The following METTL8 variants were observed in gnomAD, a reference collection of about 807,000 sequenced individuals.
METTL8 encodes the protein tRNA N(3)-cytidine methyltransferase METTL8, mitochondrial.
In METTL8, 32 loss-of-function variants were observed where a neutral mutation model predicts 48.7. The ratio of observed to expected loss-of-function variants is 0.66; its 90% CI spans 0.50 to 0.88. The LOEUF is 0.88. METTL8 is among the 40% of genes least tolerant of loss of function. The pLI, the probability that METTL8 is intolerant of heterozygous loss-of-function variation, is 0.00. For missense variants in METTL8, 464 were observed against 474.4 expected (o/e 0.98, Z 0.20); for synonymous variants, 136 against 157.1 (o/e 0.87, Z 1.01).
intron 3 of METTL8, among the ~76,000 whole-genome samples, chr2:171,350,700 T>A (rs1394971769): frequency 6.6e-6 from 1 of 152,244 alleles, no homozygotes; most frequent in Non-Finnish European, 1.5e-5. Flanking sequence ...GATTTGCATT[T>A]CCCTGACGGC....
chr2:171,324,423 A>G, intron 9 of METTL8, 61 bp from the exon 10 acceptor site: 1 of 1,357,530 alleles, frequency 7.4e-7, no homozygotes, highest in Non-Finnish European at 1.0e-6. Flanking sequence ...GGAGGTCAGG[A>G]GTAGAACACT....
rs202056355 is a variant in METTL8 at position 171,380,178 on chromosome 2, GC to G, written c.143+11864del. ...GATTATTTCAATAGATGCAGAAAAG[GC>G]CTTCAATAAAATTCAACATCCCTTC... On this transcript the variant is annotated intron_variant, in intron 2 of 9. Coordinates refer to ENST00000375258, the MANE Select transcript of METTL8 (RefSeq NM_001321154.2). Among the ~76,000 whole-genome samples the G allele has an allele frequency of 1.3e-3, 202 of 152,184 alleles. 4 individuals are homozygous for G. The East Asian group carries it at 0.014, about 11-fold the overall frequency.
At chr2:171,421,256 A>C (rs1032892838) in intron 1 of METTL8, among the ~76,000 whole-genome samples, 1 of 152,200 alleles carries the variant, frequency 6.6e-6, no homozygotes, top group Non-Finnish European at 1.5e-5. Flanking sequence ...ACTAGCAAAC[A>C]TATAGTTAGA....
At position 171,421,748 on chromosome 2, in the gene METTL8, G is replaced by A. The variant is rs111772492; in HGVS notation, c.-13+12135C>T. On this transcript the variant is annotated intron_variant, in intron 1 of 9. Transcript: ENST00000375258. ...GATGTGAAATCTGCATATAAGGAGG[G>A]CCAACTTTTCATATACTTGGGTTCC... is the stretch of plus-strand genomic sequence containing the variant. Among the ~76,000 whole-genome samples the A allele has an allele frequency of 9.9e-3, 1,509 of 152,190 alleles. 28 individuals carry two copies. The highest frequency in any genetic ancestry group is 0.035 in the African/African-American group (1,439 of 41,504).
Position 171,363,061 on chromosome 2 carries a change from G to A in METTL8, c.144-2548C>T, listed in dbSNP as rs138756531. 3.0e-3 allele frequency among the ~76,000 whole-genome samples: 463 copies of A among 152,162 alleles called. 4 individuals are homozygous for A. The highest frequency in any genetic ancestry group is 0.011 in the African/African-American group (450 of 41,516). On this transcript the variant is annotated intron_variant, in intron 2 of 9. Coordinates refer to ENST00000375258, the MANE Select transcript of METTL8 (RefSeq NM_001321154.2). The stretch of plus-strand genomic sequence containing the variant: ...ACAGTAAGAGTATATGTGGTCTTCC[G>A]CTTTAAGCATTTAAGCTTTTAGTTT...
intron 2 of METTL8, among the ~76,000 whole-genome samples, chr2:171,390,326 A>T (rs1157473036): frequency 6.6e-6 from 1 of 152,250 alleles, no homozygotes; most frequent in Non-Finnish European, 1.5e-5. Context: ...TTTCATGCCA[A>T]CTAACACAAT....
chr2:171,429,204 T>C (rs1183689771), intron 1 of METTL8, among the ~76,000 whole-genome samples: 1 of 152,232 alleles, frequency 6.6e-6, no homozygotes, highest in Non-Finnish European at 1.5e-5. Flanking sequence ...TCACAAGATT[T>C]GAATTCACAC....
chr2:171,395,722 A>G (rs2105575343), intron 1 of METTL8, among the ~76,000 whole-genome samples: 1 of 152,378 alleles, frequency 6.6e-6, no homozygotes, highest in Non-Finnish European at 1.5e-5. Flanking sequence ...TAAAAGGAGA[A>G]CTTAACAAAT....
At chr2:171,403,654 C>A (rs936878702) in intron 1 of METTL8, among the ~76,000 whole-genome samples, 23 of 152,074 alleles carry the variant, frequency 1.5e-4, no homozygotes, top group Admixed American at 3.3e-4. Context: ...CTGTTACTAA[C>A]AAGGGAGACG....
chr2:171,348,794 C>T (rs930772739), intron 3 of METTL8, among the ~76,000 whole-genome samples: 3 of 151,796 alleles, frequency 2.0e-5, no homozygotes, highest in Non-Finnish European at 4.4e-5. Context: ...ATTTCTGTGT[C>T]TATTTTATAA....
intron 3 of METTL8, among the ~76,000 whole-genome samples, chr2:171,356,394 C>A (rs895733963): frequency 4.6e-5 from 7 of 152,188 alleles, no homozygotes; most frequent in Non-Finnish European, 1.0e-4. Context: ...CCACCTTGGG[C>A]TCCCAAAGTG....
At chr2:171,341,201 G>A (rs570351196) in intron 3 of METTL8, among the ~76,000 whole-genome samples, 8 of 151,680 alleles carry the variant, frequency 5.3e-5, no homozygotes, top group East Asian at 2.0e-4. Context: ...GGTGGCAGGC[G>A]CCTGTAATCC....
intron 1 of METTL8, among the ~76,000 whole-genome samples, chr2:171,399,302 T>G (rs1448289717): frequency 6.6e-6 from 1 of 152,158 alleles, no homozygotes; most frequent in Admixed American, 6.6e-5. Context: ...AAATTGCATT[T>G]ATTATGCTAC....
chr2:171,331,445 T>C (rs1685521715), intron 6 of METTL8, among the ~76,000 whole-genome samples: 1 of 146,818 alleles, frequency 6.8e-6, no homozygotes, highest in African/African-American at 2.5e-5. Context: ...TTTGAGACAG[T>C]CTGCTCTGTC....
At chr2:171,352,890 T>C (rs1275858692) in intron 3 of METTL8, among the ~76,000 whole-genome samples, 5 of 152,236 alleles carry the variant, frequency 3.3e-5, no homozygotes, top group African/African-American at 1.2e-4. Flanking sequence ...TAGCGGTCTA[T>C]CAATTTTGTT....
chr2:171,400,173 C>T (rs766986079), intron 1 of METTL8, among the ~76,000 whole-genome samples: 9 of 151,966 alleles, frequency 5.9e-5, no homozygotes, highest in African/African-American at 9.6e-5. Context: ...CTATAAAGGA[C>T]GAAGTAAACT....
At chr2:171,368,321 T>C (rs1309579781) in intron 2 of METTL8, among the ~76,000 whole-genome samples, 1 of 152,234 alleles carries the variant, frequency 6.6e-6, no homozygotes, top group East Asian at 1.9e-4. Context: ...GCTTTTTTCA[T>C]GGAATGCTAT....
chr2:171,392,176 T>C lies in METTL8; in HGVS notation c.10A>G (p.Ile4Val), dbSNP rs993961314. The change falls in exon 2 of 10, where the codon ATT becomes GTT. Residue 4 changes from isoleucine to valine, a missense_variant. Physicochemically the swap from Ile to Val is conservative, Grantham distance 29 (BLOSUM62 3). Transcript: ENST00000375258. MNM[I>V]WRNSISCLRL... Reference sequence around the variant, plus strand: ...AGACAAGAAATGGAATTTCTCCAAATCATATTCATCCTAAGCAGTACCTAA... The same window carrying C: ...AGACAAGAAATGGAATTTCTCCAAACCATATTCATCCTAAGCAGTACCTAA... The C allele has an allele frequency of 6.4e-7, 1 of 1,551,404 alleles. No individual in the cohort carries two copies. The highest frequency in any genetic ancestry group is 8.7e-7 in the Non-Finnish European group (1 of 1,146,846).
At chr2:171,330,058 T>A (rs1685356791) in intron 7 of METTL8, among the ~76,000 whole-genome samples, 1 of 152,174 alleles carries the variant, frequency 6.6e-6, no homozygotes, top group Non-Finnish European at 1.5e-5. Flanking sequence ...ATCATAAAGG[T>A]CCAAGGATAA....
Sources: allele counts gnomAD v4.1 joint callset (sites outside exome capture counted in the v4.1 genomes callset), GRCh38; gene constraint gnomAD v4.1.1; transcripts MANE v1.5; gene names NCBI Gene and HGNC (gene_info 2026-07-23, HGNC 2026-07-21).